PRSS36: variants seen among roughly 807,000 people sequenced by gnomAD.
PRSS36 encodes serine protease 36, also known as polyserase-2.
Under a neutral mutation model 94.3 loss-of-function variants are expected in PRSS36, and 90 were observed. The ratio of observed to expected loss-of-function variants is 0.95; its 90% CI spans 0.80 to 1.14. The LOEUF (loss-of-function observed/expected upper bound fraction) is 1.14, where lower values mean the gene tolerates loss of function less well. Among genes scored for constraint, PRSS36 ranks in the 50% most tolerant of loss-of-function variants. PRSS36 has a pLI of 0.00. For synonymous variants in PRSS36, 500 were observed against 489.6 expected, an observed-to-expected ratio of 1.02 and a Z score of -0.28; for missense variants, 1,158 against 1,135.0, an observed-to-expected ratio of 1.02 and a Z score of -0.29.
Position 31,149,053 on chromosome 16 carries a change from G to A in PRSS36, c.272+20C>T. 1 of 1,572,970 alleles carries A rather than the reference G, an allele frequency of 6.4e-7. No individual in the cohort carries two copies. Among genetic ancestry groups the A allele is most frequent in the Non-Finnish European group, 8.6e-7 (1 of 1,159,468 alleles). On this transcript the variant is annotated intron_variant, in intron 4 of 14. Coordinates refer to ENST00000268281, the MANE Select transcript of PRSS36 (RefSeq NM_173502.5). ...GCCAGCTTTTGGCGGAGAGGGGCCA[G>A]GACCAGGGCGAATACTCACGTCATG...
chr16:31,138,945 G>T lies in PRSS36; in HGVS notation c.*193C>A. 2 of 587,828 alleles carry T rather than the reference G, an allele frequency of 3.4e-6. No individual in the cohort carries two copies. The highest frequency in any genetic ancestry group is 2.5e-5 in the South Asian group (1 of 39,642). 36.4% of individuals were successfully genotyped at this position (587,828 alleles called of 1,614,324 possible). On this transcript the variant is annotated 3_prime_UTR_variant, in exon 15 of 15. Transcript: ENST00000268281. The stretch of plus-strand genomic sequence containing the variant: ...AGGTACCTGTGTTTACACCTTTATT[G>T]TCCGCTCCTCCCACCACCCCCAAGG...
chr16:31,149,305 G>T, intron 3 of PRSS36, 70 bp from the exon 4 acceptor site: 1 of 1,510,440 alleles, frequency 6.6e-7, no homozygotes, highest in South Asian at 1.3e-5. Context: ...GGTAACTCAG[G>T]ACGAAGGCCC....
chr16:31,143,959 G>C, intron 6 of PRSS36, 122 bp from the exon 7 acceptor site: 1 of 1,267,864 alleles, frequency 7.9e-7, no homozygotes, highest in Non-Finnish European at 1.1e-6. Context: ...TCCTTGGCTA[G>C]GCCTTGTCCT....
In PRSS36 at chr16:31,140,533, G is replaced by A. The variant is rs889460984; in HGVS notation, c.2126C>T (p.Ala709Val). 9 of 1,576,938 alleles carry A rather than the reference G, an allele frequency of 5.7e-6. No individual in the cohort carries two copies. The East Asian group carries it at 2.0e-4, about 35-fold the overall frequency. Residue 709 changes from alanine to valine, a missense_variant, in exon 13 of 15, where the codon GCC becomes GTC. Transcript: ENST00000268281. Reference protein sequence around the residue: ...CLHPAGIPPGASCWVLGWKEP... With the variant: ...CLHPAGIPPGVSCWVLGWKEP... ...TTTCCAGCCCAACACCCAGCAGCTGGCCCCCGGGGGGATACCCGCCGGGTG... is the reference window on the plus strand; with the variant it reads ...TTTCCAGCCCAACACCCAGCAGCTGACCCCCGGGGGGATACCCGCCGGGTG...
rs1384568191 is a variant in PRSS36, at chr16:31,142,828, C to G, written c.1266G>C (p.Leu422=). ...GGCACACGGGCCGCGAAGCCGCGCT[C>G]AGGTTCACGGGCGTGCGCAGCTGCA... is the stretch of plus-strand genomic sequence containing the variant. ...ALLQLRTPVN[L]SAASRPVCLP... Residue 422 remains leucine (L), a synonymous_variant, in exon 9 of 15, where the codon CTG becomes CTC. Transcript: ENST00000268281. The G allele has an allele frequency of 1.3e-6, 2 of 1,542,594 alleles. No homozygotes were observed. Among genetic ancestry groups the G allele is most frequent in the Non-Finnish European group, 8.7e-7 (1 of 1,147,140 alleles).
At position 31,145,871 on chromosome 16, in the gene PRSS36, G is replaced by A. The variant is rs770373993; in HGVS notation, c.638C>T (p.Pro213Leu). The change falls in exon 6 of 15, where the codon CCC becomes CTC. Residue 213 changes from proline to leucine, a missense_variant. By Grantham distance (98) the Pro-to-Leu change is moderately conservative. Transcript: ENST00000268281. Reference sequence around the variant, plus strand: ...CTGGAGAGTGAGGTTGAAGGGACCGGGCTGGCTGTAGAGACATTGACAGGT... The same window carrying A: ...CTGGAGAGTGAGGTTGAAGGGACCGAGCTGGCTGTAGAGACATTGACAGGT... ...EATCQCLYSQ[P>L]GPFNLTLQIL... The A allele has an allele frequency of 5.6e-6, 9 of 1,614,014 alleles. No homozygotes were observed. In the South Asian group the frequency reaches 8.8e-5, roughly 16 times the overall value.
In PRSS36 at chr16:31,139,038, TGGGGC is replaced by T. The variant is rs1460098529; in HGVS notation, c.*95_*99del. ...CCAGAGCCGCTGCAATCTCGGTGGG[TGGGGC>T]CCTTGAGGTTCCAGCCGGCTGGGCC... On this transcript the variant is annotated 3_prime_UTR_variant, in exon 15 of 15. Coordinates refer to ENST00000268281, the MANE Select transcript of PRSS36 (RefSeq NM_173502.5). 3.1e-6 allele frequency: 4 copies of T among 1,297,850 alleles called. No homozygotes were observed. The highest frequency in any genetic ancestry group is 4.2e-6 in the Non-Finnish European group (4 of 957,166). The allele number at this position is 1,297,850 out of a possible 1,614,324, so 80.4% of individuals were successfully genotyped here.
intron 10 of PRSS36, 54 bp from the exon 11 acceptor site, chr16:31,142,014 C>A: frequency 3.3e-6 from 5 of 1,524,664 alleles, no homozygotes; most frequent in Non-Finnish European, 4.5e-6. Context: ...CAGAGAATAT[C>A]AGAGCTCCTG....
chr16:31,148,683 C>T lies in PRSS36; in HGVS notation c.273-8G>A. On this transcript the variant is annotated splice_region_variant and splice_polypyrimidine_tract_variant and intron_variant, in intron 4 of 14. Coordinates refer to ENST00000268281, the MANE Select transcript of PRSS36 (RefSeq NM_173502.5). ...GGCTCCAGCGTCCCATTCCTGCGCT[C>T]GACCGGGGCAGTAGGAGGTTAGGTT... 6.2e-7 allele frequency: 1 copy of T among 1,611,998 alleles called. No individual in the cohort carries two copies. The highest frequency in any genetic ancestry group is 8.5e-7 in the Non-Finnish European group (1 of 1,179,526).
At chr16:31,140,953 C>G (rs2057677145) in intron 12 of PRSS36, among the ~76,000 whole-genome samples, 196 bp from the exon 13 acceptor site, 1 of 152,174 alleles carries the variant, frequency 6.6e-6, no homozygotes, top group South Asian at 2.1e-4. Flanking sequence ...CAGACAGAGT[C>G]TTGCTCTGTC....
rs1372256696 is a variant in PRSS36, at chr16:31,149,208, C to G, written c.137G>C (p.Arg46Pro). Residue 46 changes from arginine (R) to proline (P), a missense_variant, in exon 4 of 15, where the codon CGC becomes CCC. Coordinates refer to ENST00000268281, the MANE Select transcript of PRSS36 (RefSeq NM_173502.5). ...CTGCGCGTTTGAGCCCCCCACGATG[C>G]GGGCCGAGGGCTCAGGGCGCCCGCA... ...LDCGRPEPSA[R>P]IVGGSNAQPG... 5 of 1,564,322 alleles carry G rather than the reference C, an allele frequency of 3.2e-6. No individual in the cohort carries two copies. The highest frequency in any genetic ancestry group is 3.8e-4 in the Middle Eastern group (2 of 5,274).
At position 31,142,492 on chromosome 16, in the gene PRSS36, C is replaced by T. The variant is rs1362789798; in HGVS notation, c.1510G>A (p.Gly504Ser). Residue 504 changes from glycine (G) to serine (S), a missense_variant, in exon 10 of 15, where the codon GGC (glycine) becomes AGC (serine). Physicochemically the swap from Gly to Ser is moderately conservative, Grantham distance 56. Transcript: ENST00000268281. ...CCCCCGCCGCTTACCCAGCAGCTGCCCACCTCCTCCTTTTCCTGGTAGGCA... is the reference window on the plus strand; with the variant it reads ...CCCCCGCCGCTTACCCAGCAGCTGCTCACCTCCTCCTTTTCCTGGTAGGCA... The part of the protein sequence containing the change: ...CPAYQEKEEV[G>S]SCWNDSRWSL... 1.4e-5 allele frequency: 21 copies of T among 1,481,410 alleles called. No homozygotes were observed. Among genetic ancestry groups the T allele is most frequent in the Non-Finnish European group, 1.9e-5 (21 of 1,117,658 alleles). The allele number at this position is 1,481,410 out of a possible 1,614,324, so 91.8% of individuals were successfully genotyped here. A position where few individuals can be genotyped will look rare whatever the true frequency, so the allele number is the denominator to read the frequency against.
chr16:31,142,862 A>C lies in PRSS36; in HGVS notation c.1232T>G (p.Leu411Arg), dbSNP rs1005200301. ...ENASWDNASD[L>R]ALLQLRTPVN... ...GGGCGTGCGCAGCTGCAGCAGCGCCAGGTCCGAGGCGTTGTCCCACGAAGC... is the reference window on the plus strand; with the variant it reads ...GGGCGTGCGCAGCTGCAGCAGCGCCCGGTCCGAGGCGTTGTCCCACGAAGC... The change falls in exon 9 of 15, where the codon CTG (leucine) becomes CGG (arginine). Residue 411 changes from leucine (L) to arginine (R), a missense_variant. Transcript: ENST00000268281. The C allele has an allele frequency of 2.6e-6, 4 of 1,557,600 alleles. No homozygotes were observed. Among genetic ancestry groups the C allele is most frequent in the Non-Finnish European group, 3.5e-6 (4 of 1,156,300 alleles).
chr16:31,146,565 G>A (rs576953503), intron 5 of PRSS36, among the ~76,000 whole-genome samples: 11 of 152,170 alleles, frequency 7.2e-5, no homozygotes, highest in South Asian at 2.1e-4. Context: ...AAAAATAAAC[G>A]GATCACACTG....
At chr16:31,149,386 G>C (rs1353825346) in intron 3 of PRSS36, 77 bp downstream of exon 3, 38 of 1,581,400 alleles carry the variant, frequency 2.4e-5, no homozygotes, top group Non-Finnish European at 2.9e-5. Flanking sequence ...TACATTTCTG[G>C]TCTTTTCCAC....
Position 31,142,932 on chromosome 16 carries a change from G to A in PRSS36, c.1162C>T (p.Arg388Cys). 1.3e-6 allele frequency: 2 copies of A among 1,505,922 alleles called. No individual in the cohort carries two copies. The highest frequency in any genetic ancestry group is 1.3e-5 in the South Asian group (1 of 79,582). 93.3% of individuals were successfully genotyped at this position (1,505,922 alleles called of 1,614,324 possible). A position where few individuals can be genotyped will look rare whatever the true frequency, so the allele number is the denominator to read the frequency against. Residue 388 changes from arginine (R) to cysteine (C), a missense_variant, in exon 9 of 15, where the codon CGC becomes TGC. By Grantham distance (180) the Arg-to-Cys change is radical. Transcript: ENST00000268281. ...CGCGCCACCCGCTCCGCGCGCGGGCGCGAGGGCAGCAGCACGCGCCAGGCG... is the reference window on the plus strand; with the variant it reads ...CGCGCCACCCGCTCCGCGCGCGGGCACGAGGGCAGCAGCACGCGCCAGGCG... ...LDAWRVLLPS[R>C]PRAERVARLV...
At chr16:31,145,749 A>T (rs768440315) in intron 6 of PRSS36, 40 bp downstream of exon 6, 1 of 1,591,462 alleles carries the variant, frequency 6.3e-7, no homozygotes, top group Admixed American at 1.7e-5. Flanking sequence ...ACTGGTTAGG[A>T]CTCTGGCCCT....
Position 31,149,067 on chromosome 16 carries a change from A to G in PRSS36, c.272+6T>C, listed in dbSNP as rs889608426. On this transcript the variant is annotated splice_donor_region_variant and intron_variant, in intron 4 of 14. Transcript: ENST00000268281. ...GAGAGGGGCCAGGACCAGGGCGAAT[A>G]CTCACGTCATGAAACAGTGAGCAGC... 3.8e-6 allele frequency: 6 copies of G among 1,588,822 alleles called. No homozygotes were observed. In the African/African-American group the frequency reaches 5.4e-5, roughly 14 times the overall value.
At chr16:31,145,012 G>A (rs1462710338) in intron 6 of PRSS36, among the ~76,000 whole-genome samples, 4 of 152,030 alleles carry the variant, frequency 2.6e-5, no homozygotes, top group South Asian at 2.1e-4. Context: ...GCTTGAACCC[G>A]GGAGGCAGAG....
Sources: allele counts gnomAD v4.1 joint callset (sites outside exome capture counted in the v4.1 genomes callset), GRCh38; gene constraint gnomAD v4.1.1; transcripts MANE v1.5; gene names NCBI Gene and HGNC (gene_info 2026-07-23, HGNC 2026-07-21).